ESCO1: variants seen among roughly 807,000 people sequenced by gnomAD.
The protein encoded by ESCO1 is N-acetyltransferase ESCO1.
In ESCO1, 33 loss-of-function variants were observed where a neutral mutation model predicts 83.5. That is an observed-to-expected ratio of 0.40 (90% CI 0.30 to 0.53). The LOEUF (loss-of-function observed/expected upper bound fraction) is 0.53, where lower values mean the gene tolerates loss of function less well. Ranked by LOEUF, ESCO1 falls within the 20% of genes least tolerant of loss-of-function variation. The pLI, the probability that ESCO1 is intolerant of heterozygous loss-of-function variation, is 0.63. For missense variants in ESCO1, 855 were observed against 968.0 expected (o/e 0.88, Z 1.55); for synonymous variants, 332 against 324.3 (o/e 1.02, Z -0.25).
chr18:21,565,057 A>C (rs2038241070), intron 6 of ESCO1, among the ~76,000 whole-genome samples: 1 of 152,150 alleles, frequency 6.6e-6, no homozygotes, highest in Non-Finnish European at 1.5e-5. Flanking sequence ...GCCTGGCGAC[A>C]GAGCGAGACT....
rs571582142 is a variant in ESCO1 at position 21,573,327 on chromosome 18, G to A, written c.1517C>T (p.Ser506Leu). ...AAAACAGATTACCTTATTTGATGCT[G>A]AATCAAAAGAATGTTTCATCTGATT... ...LDNQMKHSFDSASNKNFSQCL... is the reference protein window; with the variant it reads ...LDNQMKHSFDLASNKNFSQCL... Residue 506 changes from serine to leucine, a missense_variant, in exon 4 of 12, where the codon TCA becomes TTA. Coordinates refer to ENST00000269214, the MANE Select transcript of ESCO1 (RefSeq NM_052911.3). 8.3e-6 allele frequency: 13 copies of A among 1,572,734 alleles called. No individual in the cohort carries two copies. The highest frequency in any genetic ancestry group is 1.1e-5 in the Non-Finnish European group (13 of 1,167,726).
chr18:21,574,427 T>G lies in ESCO1; in HGVS notation c.417A>C (p.Arg139Ser). 6.2e-7 allele frequency: 1 copy of G among 1,614,164 alleles called. No homozygotes were observed. Among genetic ancestry groups the G allele is most frequent in the Non-Finnish European group, 8.5e-7 (1 of 1,180,034 alleles). The change falls in exon 4 of 12, where the codon AGA (arginine) becomes AGC (serine). Residue 139 changes from arginine to serine, a missense_variant. By Grantham distance (110) the Arg-to-Ser change is moderately radical (BLOSUM62 -1). Around this residue, in one of 2 missense-constraint regions of ESCO1, gnomAD observed 726 missense variants for 699.5 expected, o/e 1.04. Transcript: ENST00000269214. ...CTGCTTGAACTTGACCCTGAATTTCTCTACTGCGTAACGACCTTCTTGAAA... is the reference window on the plus strand; with the variant it reads ...CTGCTTGAACTTGACCCTGAATTTCGCTACTGCGTAACGACCTTCTTGAAA... ...TEVSRRSLRS[R>S]EIQGQVQAVK...
chr18:21,589,756 C>G (rs1332014296), intron 1 of ESCO1, among the ~76,000 whole-genome samples: 1 of 152,140 alleles, frequency 6.6e-6, no homozygotes, highest in Non-Finnish European at 1.5e-5. Context: ...CAAAGTCTAC[C>G]GAGAACATCA....
In ESCO1 at chr18:21,574,001, C is replaced by T; in HGVS notation, c.843G>A (p.Gln281=). 6 of 1,613,720 alleles carry T rather than the reference C, an allele frequency of 3.7e-6. No individual in the cohort carries two copies. Among genetic ancestry groups the T allele is most frequent in the South Asian group, 1.1e-5 (1 of 91,082 alleles). ...NTNTTLPKSP[Q]PSVPEQSDNE... is the part of the protein sequence containing the mutation. ...TATCACTTTGTTCAGGCACTGATGG[C>T]TGTGGACTTTTTGGGAGTGTTGTGT... Residue 281 remains glutamine, a synonymous_variant, in exon 4 of 12, where the codon CAG becomes CAA. Coordinates refer to ENST00000269214, the MANE Select transcript of ESCO1 (RefSeq NM_052911.3).
chr18:21,543,692 C>T (rs1324811036), intron 8 of ESCO1, among the ~76,000 whole-genome samples: 1 of 151,980 alleles, frequency 6.6e-6, no homozygotes. Flanking sequence ...TGAGAATATA[C>T]ATTTGAAGGA....
intron 10 of ESCO1, among the ~76,000 whole-genome samples, chr18:21,533,175 T>TAA (rs903852133): frequency 6.7e-6 from 1 of 149,140 alleles, no homozygotes; most frequent in Admixed American, 6.7e-5. Flanking sequence ...GCAATCTCTT[T>TAA]AAAAAAAAAA....
At chr18:21,559,682 G>A (rs1181442392) in intron 8 of ESCO1, among the ~76,000 whole-genome samples, 3 of 152,160 alleles carry the variant, frequency 2.0e-5, no homozygotes, top group Admixed American at 6.6e-5. Context: ...CTACCTGAGA[G>A]AACTATTTTT....
At chr18:21,600,196 G>C (rs1215954083) in intron 1 of ESCO1, among the ~76,000 whole-genome samples, 5 of 152,240 alleles carry the variant, frequency 3.3e-5, no homozygotes, top group Non-Finnish European at 5.9e-5. Context: ...AGAAAACGCA[G>C]GGGGCGGAGA....
intron 11 of ESCO1, 85 bp from the exon 12 acceptor site, chr18:21,530,575 C>G: frequency 7.6e-7 from 1 of 1,309,608 alleles, no homozygotes; most frequent in Non-Finnish European, 1.0e-6. Flanking sequence ...CTGGAATAAC[C>G]TGTCAAATAC....
chr18:21,540,823 T>C, intron 8 of ESCO1: 1 of 817,770 alleles, frequency 1.2e-6, no homozygotes, highest in Middle Eastern at 5.1e-4. Context: ...CTTAACTAGT[T>C]GTTCCAGTTG....
At chr18:21,543,170 T>A (rs565135598) in intron 8 of ESCO1, among the ~76,000 whole-genome samples, 1 of 152,324 alleles carries the variant, frequency 6.6e-6, no homozygotes, top group African/African-American at 2.4e-5. Context: ...TTATTTTTTT[T>A]TTTGAGACAG....
intron 9 of ESCO1, among the ~76,000 whole-genome samples, chr18:21,538,457 G>GT (rs1265618009): frequency 1.3e-5 from 2 of 152,072 alleles, no homozygotes; most frequent in African/African-American, 2.4e-5. Flanking sequence ...TACAAGACAG[G>GT]TTGGGCATGT....
chr18:21,540,690 A>G lies in ESCO1; in HGVS notation c.1954-681T>C, dbSNP rs777493520. 5.4e-6 allele frequency: 7 copies of G among 1,298,962 alleles called. No homozygotes were observed. In the South Asian group the frequency reaches 9.0e-5, roughly 17 times the overall value. The allele number at this position is 1,298,962 out of a possible 1,614,324, so 80.5% of individuals were successfully genotyped here. A position where few individuals can be genotyped will look rare whatever the true frequency, so the allele number is the denominator to read the frequency against. On this transcript the variant is annotated intron_variant, in intron 8 of 11. Coordinates refer to ENST00000269214, the MANE Select transcript of ESCO1 (RefSeq NM_052911.3). ...TTCAGATCCACACTCGTGGTGATTA[A>G]TGAGCAGAACCTGCATAAAAAAACA...
intron 10 of ESCO1, 79 bp from the exon 11 acceptor site, chr18:21,532,739 A>T: frequency 7.2e-7 from 1 of 1,388,710 alleles, no homozygotes; most frequent in African/African-American, 1.4e-5. Context: ...TGAGGCGGTT[A>T]TGACATTTGA....
intron 8 of ESCO1, among the ~76,000 whole-genome samples, chr18:21,555,795 C>T (rs2038105069): frequency 2.0e-5 from 3 of 152,056 alleles, no homozygotes; most frequent in Admixed American, 2.0e-4. Context: ...GAGCGAGACA[C>T]TGTCCCAAAA....
Position 21,573,945 on chromosome 18 carries a change from C to A in ESCO1, c.899G>T (p.Arg300Leu). The A allele has an allele frequency of 6.2e-7, 1 of 1,614,016 alleles. No individual in the cohort carries two copies. Among genetic ancestry groups the A allele is most frequent in the African/African-American group, 1.3e-5 (1 of 75,042 alleles). Residue 300 changes from arginine (R) to leucine (L), a missense_variant, in exon 4 of 12, where the codon CGA becomes CTA. Around this residue, in one of 2 missense-constraint regions of ESCO1, gnomAD observed 726 missense variants for 699.5 expected, o/e 1.04. Coordinates refer to ENST00000269214, the MANE Select transcript of ESCO1 (RefSeq NM_052911.3). ...NELEQAGKSK[R>L]GSILQLCEEI... ...TTCACAGAGCTGGAGAATACTACCT[C>A]GTTTGCTCTTTCCTGCTTGCTCCAG...
At chr18:21,594,096 C>A (rs1486870231) in intron 1 of ESCO1, among the ~76,000 whole-genome samples, 1 of 152,204 alleles carries the variant, frequency 6.6e-6, no homozygotes, top group Non-Finnish European at 1.5e-5. Context: ...CAACCCTTCC[C>A]CTAGTCCTCA....
chr18:21,564,196 T>C lies in ESCO1; in HGVS notation c.1821+7A>G. On this transcript the variant is annotated splice_region_variant and intron_variant, in intron 7 of 11. Transcript: ENST00000269214. ...AATTCACCAAAATGGTCAAGTTGTGTACTTACTATAATCAACTGTTTTTCA... is the reference window on the plus strand; with the variant it reads ...AATTCACCAAAATGGTCAAGTTGTGCACTTACTATAATCAACTGTTTTTCA... 6.5e-7 allele frequency: 1 copy of C among 1,542,218 alleles called. No homozygotes were observed. Among genetic ancestry groups the C allele is most frequent in the Admixed American group, 1.8e-5 (1 of 56,172 alleles).
intron 8 of ESCO1, among the ~76,000 whole-genome samples, chr18:21,549,571 C>CGA (rs1247051119): frequency 2.0e-5 from 3 of 151,968 alleles, no homozygotes; most frequent in Non-Finnish European, 4.4e-5. Flanking sequence ...GACACCATCA[C>CGA]GCCCAGCTAA....
Sources: allele counts gnomAD v4.1 joint callset (sites outside exome capture counted in the v4.1 genomes callset), GRCh38; gene constraint gnomAD v4.1.1; regional missense constraint gnomAD v4.1.1; transcripts MANE v1.5; gene names NCBI Gene and HGNC (gene_info 2026-07-23, HGNC 2026-07-21).